The following SCFD2 variants were observed in gnomAD, a reference collection of about 807,000 sequenced individuals.
SCFD2 encodes sec1 family domain containing 2, also known as sec1 family domain-containing protein 2.
A neutral mutation model predicts 58.9 loss-of-function variants in SCFD2; 54 were observed. The observed-to-expected ratio is 0.92, with a 90% CI of 0.74 to 1.15. The LOEUF is 1.15. Ranked by LOEUF, SCFD2 falls within the 50% of genes most tolerant of loss-of-function variation. The pLI is 0.00. For missense variants in SCFD2, 805 were observed against 836.6 expected (o/e 0.96, Z 0.47); for synonymous variants, 321 against 335.9 (o/e 0.96, Z 0.49).
intron 4 of SCFD2, among the ~76,000 whole-genome samples, chr4:53,265,248 T>A (rs1730948842): frequency 6.6e-6 from 1 of 152,186 alleles, no homozygotes; most frequent in Non-Finnish European, 1.5e-5. Context: ...GTGTTCTCAC[T>A]CTATGATACC....
intron 5 of SCFD2, among the ~76,000 whole-genome samples, chr4:53,048,966 T>TAAATA (rs144341201): frequency 3.3e-5 from 5 of 152,032 alleles, no homozygotes; most frequent in Non-Finnish European, 5.9e-5. Context: ...AATAAATAAA[T>TAAATA]AATAAAAATA....
At chr4:52,879,612 T>TA (rs1164221927) in intron 8 of SCFD2, among the ~76,000 whole-genome samples, 1 of 152,232 alleles carries the variant, frequency 6.6e-6, no homozygotes, top group Non-Finnish European at 1.5e-5. Flanking sequence ...CCACACTTGA[T>TA]ATCTACTCCA....
intron 4 of SCFD2, among the ~76,000 whole-genome samples, chr4:53,157,541 A>G (rs753247906): frequency 6.6e-6 from 1 of 152,240 alleles, no homozygotes; most frequent in African/African-American, 2.4e-5. Flanking sequence ...GGAAGCAAAC[A>G]TAAGAATCCA....
chr4:53,349,023 A>G (rs1734139456), intron 2 of SCFD2, among the ~76,000 whole-genome samples: 2 of 152,152 alleles, frequency 1.3e-5, no homozygotes, highest in Non-Finnish European at 2.9e-5. Flanking sequence ...TGGCACTCAA[A>G]GCTCATAATC....
At chr4:53,246,796 T>C (rs1730090930) in intron 4 of SCFD2, among the ~76,000 whole-genome samples, 1 of 152,082 alleles carries the variant, frequency 6.6e-6, no homozygotes, top group African/African-American at 2.4e-5. Context: ...TGGCAAAGAC[T>C]TCATGATGAA....
intron 8 of SCFD2, among the ~76,000 whole-genome samples, chr4:52,882,345 A>T (rs1217050721): frequency 6.6e-6 from 1 of 152,224 alleles, no homozygotes; most frequent in Non-Finnish European, 1.5e-5. Flanking sequence ...CTGGTGAGTG[A>T]CAATGCCAAA....
chr4:53,096,072 G>C (rs1285315999), intron 5 of SCFD2, among the ~76,000 whole-genome samples: 1 of 152,152 alleles, frequency 6.6e-6, no homozygotes, highest in African/African-American at 2.4e-5. Context: ...TGGCTGCGTA[G>C]TATTCCATGG....
At chr4:52,921,859 T>C (rs975143894) in intron 5 of SCFD2, among the ~76,000 whole-genome samples, 4 of 152,206 alleles carry the variant, frequency 2.6e-5, no homozygotes, top group African/African-American at 9.6e-5. Flanking sequence ...GAAGCATGTT[T>C]GGCTTGTGTA....
At chr4:53,071,036 A>G (rs1317953283) in intron 5 of SCFD2, among the ~76,000 whole-genome samples, 1 of 152,088 alleles carries the variant, frequency 6.6e-6, no homozygotes. Flanking sequence ...TTCAACTTCT[A>G]AAGAGTGTCC....
chr4:53,120,428 C>T (rs1408293241), intron 5 of SCFD2, among the ~76,000 whole-genome samples: 1 of 152,192 alleles, frequency 6.6e-6, no homozygotes, highest in Admixed American at 6.5e-5. Flanking sequence ...CTCAGGGCCA[C>T]ATGATGAACA....
At chr4:53,296,430 T>C (rs1732033929) in intron 3 of SCFD2, among the ~76,000 whole-genome samples, 1 of 152,214 alleles carries the variant, frequency 6.6e-6, no homozygotes, top group Admixed American at 6.5e-5. Flanking sequence ...TGCATAGAGG[T>C]GTTTATAGTA....
At chr4:52,957,934 T>C (rs578232810) in intron 5 of SCFD2, 2 of 152,342 alleles carry the variant, frequency 1.3e-5, no homozygotes, top group South Asian at 2.1e-4. Context: ...TCTTTATTAA[T>C]GGGCTGGTCG....
chr4:53,005,555 G>A (rs371220885), intron 5 of SCFD2, among the ~76,000 whole-genome samples: 129 of 152,222 alleles, frequency 8.5e-4, no homozygotes, highest in African/African-American at 2.8e-3. Flanking sequence ...TTCCTTCATC[G>A]ATAAGTAAGG....
intron 5 of SCFD2, among the ~76,000 whole-genome samples, chr4:53,028,797 GT>G (rs1004703574): frequency 6.6e-6 from 1 of 152,140 alleles, no homozygotes; most frequent in African/African-American, 2.4e-5. Context: ...GCCAAACTAA[GT>G]TTTTTTCTCA....
intron 2 of SCFD2, among the ~76,000 whole-genome samples, chr4:53,329,241 C>A (rs1387180712): frequency 2.6e-5 from 4 of 151,846 alleles, no homozygotes; most frequent in South Asian, 2.1e-4. Flanking sequence ...GTGGAGCCCA[C>A]CACAGCTCAA....
intron 4 of SCFD2, among the ~76,000 whole-genome samples, chr4:53,241,892 C>A (rs1729905682): frequency 6.6e-6 from 1 of 152,220 alleles, no homozygotes; most frequent in Non-Finnish European, 1.5e-5. Flanking sequence ...AGTGGACATG[C>A]CTCCACTCTG....
chr4:53,277,497 G>A (rs1381077152), intron 3 of SCFD2, among the ~76,000 whole-genome samples: 2 of 152,104 alleles, frequency 1.3e-5, no homozygotes, highest in East Asian at 3.9e-4. Context: ...GGTAAGTACT[G>A]CCAAAGAAAA....
intron 5 of SCFD2, among the ~76,000 whole-genome samples, chr4:53,053,570 G>A (rs1014344083): frequency 6.6e-6 from 1 of 152,098 alleles, no homozygotes; most frequent in African/African-American, 2.4e-5. Flanking sequence ...CTCAACTCCT[G>A]ACGCTCAGCA....
intron 2 of SCFD2, among the ~76,000 whole-genome samples, chr4:53,341,603 A>G (rs918834407): frequency 2.0e-5 from 3 of 152,226 alleles, no homozygotes; most frequent in African/African-American, 7.2e-5. Context: ...GGAAATACAG[A>G]AAACGCCACA....
Sources: gnomAD v4.1 joint callset for allele counts (sites outside exome capture counted in the v4.1 genomes callset) on GRCh38, gnomAD v4.1.1 for gene constraint, MANE v1.5 for transcripts, NCBI Gene and HGNC (gene_info 2026-07-23, HGNC 2026-07-21) for gene names.